WDR27: variants seen among roughly 807,000 people sequenced by gnomAD.
WDR27 encodes the protein WD repeat domain 27.
A neutral mutation model predicts 114.4 loss-of-function variants in WDR27; 100 were observed. The ratio of observed to expected loss-of-function variants is 0.87; its 90% CI spans 0.74 to 1.03. The LOEUF (loss-of-function observed/expected upper bound fraction) is 1.03. WDR27 is among the 50% of genes least tolerant of loss of function. WDR27 has a pLI of 0.00. For synonymous variants in WDR27, 449 were observed against 423.1 expected (o/e 1.06, Z -0.75); for missense variants, 1,129 against 1,092.9 (o/e 1.03, Z -0.47).
chr6:169,653,040 G>T (rs1823026639), intron 13 of WDR27, among the ~76,000 whole-genome samples: 1 of 152,254 alleles, frequency 6.6e-6, no homozygotes, highest in South Asian at 2.1e-4. Flanking sequence ...TGTGTGCACA[G>T]ATCTCACTTC....
intron 25 of WDR27, among the ~76,000 whole-genome samples, chr6:169,469,016 T>C (rs1367830093): frequency 6.6e-6 from 1 of 152,210 alleles, no homozygotes; most frequent in Non-Finnish European, 1.5e-5. Context: ...TATGACCTCA[T>C]GTAACCCTAA....
chr6:169,581,977 T>C (rs1382249355), intron 24 of WDR27, among the ~76,000 whole-genome samples: 2 of 152,132 alleles, frequency 1.3e-5, no homozygotes, highest in Non-Finnish European at 2.9e-5. Context: ...CTGATATTTA[T>C]TTTTTATTTT....
At chr6:169,437,760 T>C in the WDR27 span, among the ~76,000 whole-genome samples, 3 of 152,208 alleles carry the variant, frequency 2.0e-5, no homozygotes, top group Non-Finnish European at 4.4e-5. Flanking sequence ...ACAATTTTTA[T>C]AGAACAACAC....
intron 12 of WDR27, among the ~76,000 whole-genome samples, chr6:169,658,880 G>A (rs1193230407): frequency 2.0e-5 from 3 of 151,930 alleles, no homozygotes; most frequent in Non-Finnish European, 4.4e-5. Context: ...GTAGAGATGG[G>A]GTTTCACCAT....
At chr6:169,483,485 C>T (rs1020782723) in intron 25 of WDR27, among the ~76,000 whole-genome samples, 1 of 152,140 alleles carries the variant, frequency 6.6e-6, no homozygotes, top group African/African-American at 2.4e-5. Flanking sequence ...GAATCTGAAC[C>T]AATAACAAGT....
At chr6:169,540,958 G>C (rs1251931234) in intron 25 of WDR27, among the ~76,000 whole-genome samples, 2 of 152,042 alleles carry the variant, frequency 1.3e-5, no homozygotes, top group African/African-American at 2.4e-5. Flanking sequence ...GGAGTGCCTT[G>C]GACATGAACA....
chr6:169,573,043 C>CT (rs1801710291), intron 24 of WDR27, among the ~76,000 whole-genome samples: 1 of 152,176 alleles, frequency 6.6e-6, no homozygotes, highest in Non-Finnish European at 1.5e-5. Context: ...CCCTGCAGAC[C>CT]TTCCCTCCGC....
chr6:169,561,781 C>T (rs924285946), intron 25 of WDR27, among the ~76,000 whole-genome samples: 9 of 151,986 alleles, frequency 5.9e-5, no homozygotes, highest in Non-Finnish European at 1.5e-5. Flanking sequence ...AGTCAAATTG[C>T]ATAAAAGATC....
chr6:169,630,809 A>G (rs1026898601), intron 21 of WDR27, among the ~76,000 whole-genome samples: 10 of 152,132 alleles, frequency 6.6e-5, no homozygotes, highest in African/African-American at 2.4e-4. Context: ...CAGGAGAGTC[A>G]TTGGAACCTA....
At chr6:169,650,909 T>C (rs1822258582) in intron 14 of WDR27, among the ~76,000 whole-genome samples, 1 of 152,134 alleles carries the variant, frequency 6.6e-6, no homozygotes, top group Non-Finnish European at 1.5e-5. Flanking sequence ...TCCAGGGTGC[T>C]GAGTGCTGTC....
intron 22 of WDR27, among the ~76,000 whole-genome samples, chr6:169,608,285 T>C (rs924347494): frequency 2.0e-5 from 3 of 152,152 alleles, no homozygotes; most frequent in Admixed American, 6.5e-5. Context: ...TGTATGTTTA[T>C]TGCAGTACAA....
chr6:169,666,475 C>G, intron 6 of WDR27: 2 of 985,496 alleles, frequency 2.0e-6, no homozygotes, highest in Non-Finnish European at 2.4e-6. Flanking sequence ...GAAGACAGAA[C>G]GTGCACAAGG....
At chr6:169,540,431 C>CTTTT (rs66671017) in intron 25 of WDR27, among the ~76,000 whole-genome samples, 5 of 144,802 alleles carry the variant, frequency 3.5e-5, no homozygotes, top group African/African-American at 5.0e-5. Context: ...TGAATAGAAT[C>CTTTT]TTTTTTTTTT....
Position 169,498,172 on chromosome 6 carries a change from T to A in WDR27, c.2646-40538A>T, listed in dbSNP as rs114859865. Among the ~76,000 whole-genome samples the A allele has an allele frequency of 4.7e-3, 708 of 152,150 alleles. 7 individuals carry two copies. The highest frequency in any genetic ancestry group is 0.016 in the African/African-American group (675 of 41,534). ...CAGTTACAACAGGGCAAATGCTATA[T>A]GATTCTATTTATATGAGGTACCTAG... On this transcript the variant is annotated intron_variant, in intron 25 of 25. Transcript: ENST00000448612.
At chr6:169,645,176 C>T (rs1475129763) in intron 16 of WDR27, among the ~76,000 whole-genome samples, 2 of 150,916 alleles carry the variant, frequency 1.3e-5, no homozygotes, top group Non-Finnish European at 2.9e-5. Context: ...GTAGGAGTCA[C>T]ACTGTAGAAA....
chr6:169,684,778 C>T lies in WDR27; in HGVS notation c.189+4039G>A, dbSNP rs543503307. The stretch of plus-strand genomic sequence containing the variant: ...ATGGGCATGCCCGCAGCCAGCTGAG[C>T]AGCCTTGTGCCTACGTCCAATGCTG... On this transcript the variant is annotated intron_variant, in intron 2 of 25. Coordinates refer to ENST00000448612, the MANE Select transcript of WDR27 (RefSeq NM_182552.5). The surrounding 1 kb of genome is among the most constrained non-coding windows in gnomAD (Gnocchi z 4.3). 7.2e-5 allele frequency among the ~76,000 whole-genome samples: 11 copies of T among 152,354 alleles called. No individual in the cohort carries two copies. The highest frequency in any genetic ancestry group is 2.6e-4 in the African/African-American group (11 of 41,596).
the WDR27 span, among the ~76,000 whole-genome samples, chr6:169,445,847 C>T: frequency 6.6e-6 from 1 of 152,148 alleles, no homozygotes; most frequent in Non-Finnish European, 1.5e-5. Flanking sequence ...CGGCAATAGC[C>T]GGTGACGCCT....
chr6:169,498,055 C>T (rs543911244), intron 25 of WDR27, among the ~76,000 whole-genome samples: 1 of 152,184 alleles, frequency 6.6e-6, no homozygotes, highest in Admixed American at 6.5e-5. Context: ...TATATCCATA[C>T]ACAAGAATAT....
intron 22 of WDR27, among the ~76,000 whole-genome samples, chr6:169,609,268 GC>G (rs371521690): frequency 7.2e-5 from 11 of 152,266 alleles, no homozygotes; most frequent in Middle Eastern, 3.4e-3. Flanking sequence ...ACTAGGCAGT[GC>G]CCCATTAGGG....
Sources: allele counts gnomAD v4.1 joint callset (sites outside exome capture counted in the v4.1 genomes callset), GRCh38; gene constraint gnomAD v4.1.1; non-coding constraint Gnocchi (gnomAD v3.1); transcripts MANE v1.5; gene names NCBI Gene and HGNC (gene_info 2026-07-23, HGNC 2026-07-21).